Variants in ZMAT4 observed in about 807,000 individuals in gnomAD.
ZMAT4 encodes zinc finger matrin-type 4, also known as zinc finger matrin-type protein 4.
A neutral mutation model predicts 28.7 loss-of-function variants in ZMAT4; 17 were observed. That is an observed-to-expected ratio of 0.59 (90% CI 0.41 to 0.89). The LOEUF is 0.89. Among genes scored for constraint, ZMAT4 ranks in the 40% least tolerant of loss-of-function variants. ZMAT4 has a pLI of 0.00. For synonymous variants in ZMAT4, 117 were observed against 109.2 expected (o/e 1.07, Z -0.44); for missense variants, 240 against 283.8 (o/e 0.85, Z 1.11).
intron 5 of ZMAT4, among the ~76,000 whole-genome samples, chr8:40,656,538 C>A (rs1807930360): frequency 6.6e-6 from 1 of 152,042 alleles, no homozygotes; most frequent in South Asian, 2.1e-4. Context: ...ATAGAAACAA[C>A]TTAATGTCCA....
At chr8:40,688,284 C>A (rs1370156762) in intron 4 of ZMAT4, among the ~76,000 whole-genome samples, 1 of 152,010 alleles carries the variant, frequency 6.6e-6, no homozygotes, top group East Asian at 1.9e-4. Context: ...GGTGAAATCC[C>A]ATCTCTACTA....
At chr8:40,826,897 T>C (rs144932443) in intron 1 of ZMAT4, among the ~76,000 whole-genome samples, 39 of 152,262 alleles carry the variant, frequency 2.6e-4, no homozygotes, top group African/African-American at 9.1e-4. Context: ...ATCCGATTCC[T>C]TCACCCAGCC....
chr8:40,798,653 T>A (rs1038074128), intron 2 of ZMAT4, among the ~76,000 whole-genome samples: 1 of 152,168 alleles, frequency 6.6e-6, no homozygotes, highest in Non-Finnish European at 1.5e-5. Flanking sequence ...AGAAGAAAAC[T>A]TCATTGACAA....
At chr8:40,726,413 T>G (rs1811319600) in intron 3 of ZMAT4, among the ~76,000 whole-genome samples, 1 of 152,194 alleles carries the variant, frequency 6.6e-6, no homozygotes, top group African/African-American at 2.4e-5. Context: ...ATGATGTAAA[T>G]CTCTTGTTCT....
intron 6 of ZMAT4, among the ~76,000 whole-genome samples, chr8:40,564,992 C>A (rs1465618992): frequency 1.3e-5 from 2 of 152,158 alleles, no homozygotes; most frequent in Non-Finnish European, 2.9e-5. Context: ...TGTACACTGT[C>A]TTATTGGAGC....
chr8:40,601,683 A>G lies in ZMAT4; in HGVS notation c.578-20422T>C, dbSNP rs1585742168. Among the ~76,000 whole-genome samples the G allele has an allele frequency of 4.3e-4, 13 of 30,574 alleles. 2 individuals are homozygous for G. Among genetic ancestry groups the G allele is most frequent in the African/African-American group, 1.3e-3 (13 of 9,740 alleles). The allele number at this position is 30,574 out of a possible 152,430, so 20.1% of individuals were successfully genotyped here. A position where few individuals can be genotyped will look rare whatever the true frequency, so the allele number is the denominator to read the frequency against. ...AAGAAAGAAAGAAAGAAAGAAAGAAAGAAAGAAAGAAAGAAAGAAAGAAAA... is the reference window on the plus strand; with the variant it reads ...AAGAAAGAAAGAAAGAAAGAAAGAAGGAAAGAAAGAAAGAAAGAAAGAAAA... On this transcript the variant is annotated intron_variant, in intron 5 of 6. Transcript: ENST00000297737.
intron 1 of ZMAT4, among the ~76,000 whole-genome samples, chr8:40,860,574 G>C (rs997988473): frequency 6.6e-6 from 1 of 152,178 alleles, no homozygotes; most frequent in Admixed American, 6.5e-5. Context: ...CCCAGCCATA[G>C]ATCTGTGCGT....
At chr8:40,818,396 A>T (rs985368219) in intron 2 of ZMAT4, among the ~76,000 whole-genome samples, 1 of 152,246 alleles carries the variant, frequency 6.6e-6, no homozygotes, top group Non-Finnish European at 1.5e-5. Flanking sequence ...ATCCAAAAAG[A>T]TCTTCCATAT....
intron 1 of ZMAT4, among the ~76,000 whole-genome samples, chr8:40,883,831 G>A (rs540732505): frequency 3.6e-4 from 55 of 152,054 alleles, no homozygotes; most frequent in Non-Finnish European, 7.6e-4. Flanking sequence ...AATCCTACGA[G>A]AGCTACCTCC....
chr8:40,654,806 TAA>T (rs1349001591), intron 5 of ZMAT4, among the ~76,000 whole-genome samples: 1 of 132,370 alleles, frequency 7.6e-6, no homozygotes, highest in African/African-American at 3.0e-5. Flanking sequence ...TTCCTCCTGA[TAA>T]AGAGTATTTA....
intron 1 of ZMAT4, among the ~76,000 whole-genome samples, chr8:40,826,747 A>T (rs961967789): frequency 3.9e-5 from 6 of 152,204 alleles, no homozygotes; most frequent in Non-Finnish European, 8.8e-5. Flanking sequence ...CCCACAAAGT[A>T]AATAAACATA....
intron 3 of ZMAT4, among the ~76,000 whole-genome samples, chr8:40,750,209 T>TA (rs1395013120): frequency 2.0e-5 from 3 of 151,586 alleles, no homozygotes; most frequent in African/African-American, 7.3e-5. Flanking sequence ...AAAGAAAAAA[T>TA]ATATATATAT....
intron 3 of ZMAT4, among the ~76,000 whole-genome samples, chr8:40,741,095 A>C (rs184797112): frequency 2.1e-4 from 32 of 152,288 alleles, no homozygotes; most frequent in African/African-American, 7.7e-4. Flanking sequence ...AAAATGTAAA[A>C]GTCAATAATT....
intron 1 of ZMAT4, among the ~76,000 whole-genome samples, chr8:40,850,176 G>C (rs778765175): frequency 2.8e-4 from 43 of 152,120 alleles, no homozygotes; most frequent in Non-Finnish European, 4.7e-4. Flanking sequence ...TTCTTCATGC[G>C]GTCAATCAGA....
In ZMAT4 at chr8:40,716,607, G is replaced by A. The variant is rs186641387; in HGVS notation, c.193-19206C>T. On this transcript the variant is annotated intron_variant, in intron 3 of 6. Transcript: ENST00000297737. ...CTTGGGAGGCTGAGGCAGGAGAATC[G>A]CTTGAACCTGGGAGGTGGAGGTTGT... Among the ~76,000 whole-genome samples the A allele has an allele frequency of 9.5e-3, 1,454 of 152,278 alleles. 12 individuals carry two copies. The highest frequency in any genetic ancestry group is 0.016 in the Admixed American group (251 of 15,296).
intron 2 of ZMAT4, 74 bp from the exon 3 acceptor site, chr8:40,767,804 C>T (rs557589157): frequency 1.3e-5 from 16 of 1,201,106 alleles, no homozygotes; most frequent in Admixed American, 1.0e-4. Context: ...AGCCAGTGCC[C>T]GCAAATGCAA....
intron 1 of ZMAT4, among the ~76,000 whole-genome samples, chr8:40,856,561 G>A (rs1165308494): frequency 2.6e-5 from 4 of 152,178 alleles, no homozygotes; most frequent in African/African-American, 9.6e-5. Flanking sequence ...GGGCACTGCA[G>A]AATCAAAGGT....
intron 6 of ZMAT4, among the ~76,000 whole-genome samples, chr8:40,547,325 C>T (rs1803236342): frequency 6.6e-6 from 1 of 152,180 alleles, no homozygotes; most frequent in Non-Finnish European, 1.5e-5. Context: ...GGGTCTCTCA[C>T]AATCTGACTC....
intron 3 of ZMAT4, among the ~76,000 whole-genome samples, chr8:40,748,633 A>AT (rs1323082491): frequency 6.6e-6 from 1 of 152,046 alleles, no homozygotes; most frequent in East Asian, 1.9e-4. Flanking sequence ...CCAACACCAT[A>AT]TTTTTTTACT....
Sources: allele counts gnomAD v4.1 joint callset (sites outside exome capture counted in the v4.1 genomes callset), GRCh38; gene constraint gnomAD v4.1.1; transcripts MANE v1.5; gene names NCBI Gene and HGNC (gene_info 2026-07-23, HGNC 2026-07-21).